DNM2: variants seen among roughly 807,000 people sequenced by gnomAD.
DNM2 encodes dynamin 2, also known as dynamin-2.
In DNM2, 15 loss-of-function variants were observed where a neutral mutation model predicts 99.0. The observed-to-expected ratio is 0.15, with a 90% confidence interval of 0.10 to 0.23. DNM2 has a LOEUF of 0.23. Ranked by LOEUF, DNM2 falls within the 10% of genes least tolerant of loss-of-function variation. The probability of loss-of-function intolerance (pLI) is 1.00; values close to 1 mark genes in which losing one functional copy is unlikely to be tolerated. For missense variants in DNM2, 742 were observed against 1,189.4 expected, an observed-to-expected ratio of 0.62 and a Z score of 5.53; for synonymous variants, 525 against 481.2, an observed-to-expected ratio of 1.09 and a Z score of -1.19.
rs1599608932 is a variant in DNM2 at position 10,815,605 on chromosome 19, C to T, written c.1671+3228C>T. 3.3e-5 allele frequency among the ~76,000 whole-genome samples: 5 copies of T among 152,302 alleles called. 1 individual carries two copies. Among genetic ancestry groups the T allele is most frequent in the Admixed American group, 3.3e-4 (5 of 15,302 alleles). On this transcript the variant is annotated intron_variant, in intron 15 of 20. Coordinates refer to ENST00000389253, the MANE Select transcript of DNM2 (RefSeq NM_001005361.3). ...CTGTAGGAGGGAACCTACCCACCTACCCCCAGTGCACAGAGGAGGAGCTGG... is the reference window on the plus strand; with the variant it reads ...CTGTAGGAGGGAACCTACCCACCTATCCCCAGTGCACAGAGGAGGAGCTGG...
chr19:10,817,099 C>CAG lies in DNM2; in HGVS notation c.1672-2880_1672-2879insGA. Among the ~76,000 whole-genome samples the CAG allele has an allele frequency of 6.6e-6, 1 of 152,328 alleles. No individual in the cohort carries two copies. The highest frequency in any genetic ancestry group is 3.4e-3 in the Middle Eastern group (1 of 294). On this transcript the variant is annotated intron_variant, in intron 15 of 20. Coordinates refer to ENST00000389253, the MANE Select transcript of DNM2 (RefSeq NM_001005361.3). This position sits in a 1 kb window ranked among gnomAD's most constrained non-coding sequence, Gnocchi z 4.6. Reference sequence around the variant, plus strand: ...GGATCCCAGCAGGGACCCTTGGAGTCACACACGTGGCAGCCACCCCTGAGG... The same window carrying CAG: ...GGATCCCAGCAGGGACCCTTGGAGTCAGACACACGTGGCAGCCACCCCTGAGG...
At position 10,812,434 on chromosome 19, in the gene DNM2, G is replaced by A. The variant is rs976015332; in HGVS notation, c.1671+57G>A. The A allele has an allele frequency of 6.1e-5, 88 of 1,436,284 alleles. No homozygotes were observed. The highest frequency in any genetic ancestry group is 8.5e-5 in the African/African-American group (6 of 70,660). The allele number at this position is 1,436,284 out of a possible 1,614,324, so 89.0% of individuals were successfully genotyped here. ...GTAGGTGGGGCAGCCAGGGAAGAGC[G>A]GGTGGGCGCTCCCTCTGGGCAGAAC... is the stretch of plus-strand genomic sequence containing the variant. On this transcript the variant is annotated intron_variant, in intron 15 of 20. Transcript: ENST00000389253. The surrounding 1 kb of genome is among the most constrained non-coding windows in gnomAD (Gnocchi z 4.0).
intron 5 of DNM2, among the ~76,000 whole-genome samples, chr19:10,779,527 T>TTTTTG (rs1846541106): frequency 7.3e-6 from 1 of 136,864 alleles, no homozygotes; most frequent in Admixed American, 7.5e-5. Context: ...TTTTTTTTTT[T>TTTTTG]GACGATGTCT....
chr19:10,798,224 A>G (rs1467231240), intron 10 of DNM2, among the ~76,000 whole-genome samples: 1 of 151,788 alleles, frequency 6.6e-6, no homozygotes, highest in Non-Finnish European at 1.5e-5. Context: ...TTCTGCTTTC[A>G]TGTTGCCTCC....
intron 1 of DNM2, among the ~76,000 whole-genome samples, chr19:10,744,156 T>TAA (rs35842666): frequency 4.1e-5 from 6 of 144,948 alleles, no homozygotes; most frequent in East Asian, 2.0e-4. Context: ...AGACTCCATC[T>TAA]AAAAAAAAAA....
Position 10,831,240 on chromosome 19 carries a change from C to G in DNM2, c.*193C>G. The G allele has an allele frequency of 7.5e-7, 1 of 1,327,998 alleles. No individual in the cohort carries two copies. The highest frequency in any genetic ancestry group is 9.6e-7 in the Non-Finnish European group (1 of 1,043,050). 82.3% of individuals were successfully genotyped at this position (1,327,998 alleles called of 1,614,324 possible). A position where few individuals can be genotyped will look rare whatever the true frequency, so the allele number is the denominator to read the frequency against. On this transcript the variant is annotated 3_prime_UTR_variant, in exon 21 of 21. Coordinates refer to ENST00000389253, the MANE Select transcript of DNM2 (RefSeq NM_001005361.3). The surrounding 1 kb of genome is among the most constrained non-coding windows in gnomAD (Gnocchi z 4.3). ...TGGACACCGCACTGCGCAAAGGGGC[C>G]CTGGAGCTCCAGGCAGGGGGCGCTG...
At chr19:10,802,180 T>G in intron 11 of DNM2, 108 bp from the exon 12 acceptor site, 1 of 1,194,022 alleles carries the variant, frequency 8.4e-7, no homozygotes, top group Admixed American at 1.7e-5. Flanking sequence ...CTGGGAAGCC[T>G]CCTGGTTCCC....
At chr19:10,823,671 G>T in intron 16 of DNM2, 117 bp from the exon 17 acceptor site, 1 of 950,958 alleles carries the variant, frequency 1.1e-6, no homozygotes, top group Non-Finnish European at 1.7e-6. Flanking sequence ...GGTGAAGCCT[G>T]GGTTGGGTTT....
At position 10,778,036 on chromosome 19, in the gene DNM2, T is replaced by TTTAC. The variant is rs2071215237; in HGVS notation, c.688+823_688+824insCTTA. Reference sequence around the variant, plus strand: ...TTTTTTCATTTTATTTATTTATTTATTTATTTATTTATTTATTTATGAGAC... The same window carrying TTTAC: ...TTTTTTCATTTTATTTATTTATTTATTTACTTATTTATTTATTTATTTATGAGAC... On this transcript the variant is annotated intron_variant, in intron 5 of 20. Coordinates refer to ENST00000389253, the MANE Select transcript of DNM2 (RefSeq NM_001005361.3). Among the ~76,000 whole-genome samples, 5 of 147,934 alleles carry TTTAC rather than the reference T, an allele frequency of 3.4e-5. No individual in the cohort carries two copies. The Admixed American group carries it at 3.4e-4, about 10-fold the overall frequency.
chr19:10,804,466 C>T (rs927254534), intron 12 of DNM2, among the ~76,000 whole-genome samples: 2 of 151,994 alleles, frequency 1.3e-5, no homozygotes, highest in Non-Finnish European at 1.5e-5. Context: ...CAAGGTGGGT[C>T]GATTGCTGGA....
chr19:10,758,958 C>T (rs541975986), intron 1 of DNM2, among the ~76,000 whole-genome samples: 8 of 150,238 alleles, frequency 5.3e-5, no homozygotes, highest in African/African-American at 1.9e-4. Context: ...TTTTTTTTTT[C>T]CCACACAGAG....
chr19:10,804,026 G>A (rs1243614581), intron 12 of DNM2, among the ~76,000 whole-genome samples: 1 of 152,152 alleles, frequency 6.6e-6, no homozygotes, highest in African/African-American at 2.4e-5. Flanking sequence ...CAGAGAATTG[G>A]ACCCAGGGAA....
chr19:10,749,926 C>T (rs1323107608), intron 1 of DNM2, among the ~76,000 whole-genome samples: 2 of 152,168 alleles, frequency 1.3e-5, no homozygotes, highest in Non-Finnish European at 2.9e-5. Context: ...AGGGAACACC[C>T]CCTGCAAAGG....
chr19:10,725,539 A>C (rs2069086633), intron 1 of DNM2, among the ~76,000 whole-genome samples: 1 of 151,962 alleles, frequency 6.6e-6, no homozygotes, highest in African/African-American at 2.4e-5. Context: ...TACAGTCCAG[A>C]GGGATCTGTG....
chr19:10,753,314 G>A (rs1006098737), intron 1 of DNM2, among the ~76,000 whole-genome samples: 2 of 152,044 alleles, frequency 1.3e-5, no homozygotes, highest in Non-Finnish European at 1.5e-5. Flanking sequence ...CAGCCGCCCC[G>A]GGTCCTGTTT....
intron 1 of DNM2, among the ~76,000 whole-genome samples, chr19:10,728,051 G>A (rs1198973554): frequency 1.3e-5 from 2 of 152,210 alleles, no homozygotes; most frequent in Non-Finnish European, 2.9e-5. Context: ...TTCCGGGTGC[G>A]TTTTGGGTTT....
At chr19:10,771,240 T>G (rs2145906147) in intron 2 of DNM2, among the ~76,000 whole-genome samples, 1 of 152,314 alleles carries the variant, frequency 6.6e-6, no homozygotes, top group East Asian at 1.9e-4. Flanking sequence ...GCAGCCACCT[T>G]CCGTGATGAA....
intron 1 of DNM2, among the ~76,000 whole-genome samples, chr19:10,729,186 AAAAAT>A (rs2069219821): frequency 6.8e-6 from 1 of 146,872 alleles, no homozygotes; most frequent in Non-Finnish European, 1.5e-5. Flanking sequence ...AAAAAAAAAA[AAAAAT>A]ATAAAAAATT....
At position 10,823,848 on chromosome 19, in the gene DNM2, C is replaced by T. The variant is rs1343551031; in HGVS notation, c.1842C>T (p.Asp614=). The T allele has an allele frequency of 1.2e-6, 2 of 1,613,846 alleles. No homozygotes were observed. Among genetic ancestry groups the T allele is most frequent in the Admixed American group, 1.7e-5 (1 of 60,006 alleles). ...ELACDSQEDV[D]SWKASFLRAG... is the part of the protein sequence containing the mutation. The stretch of plus-strand genomic sequence containing the variant: ...CCTGTGACTCCCAGGAAGACGTGGA[C>T]AGCTGGAAGGCCTCGTTCCTCCGAG... Residue 614 remains aspartate, a synonymous_variant, in exon 17 of 21, where the codon GAC becomes GAT. Transcript: ENST00000389253.
Sources: allele counts gnomAD v4.1 joint callset (sites outside exome capture counted in the v4.1 genomes callset), GRCh38; gene constraint gnomAD v4.1.1; non-coding constraint Gnocchi (gnomAD v3.1); transcripts MANE v1.5; gene names NCBI Gene and HGNC (gene_info 2026-07-23, HGNC 2026-07-21).